Variants in SMARCA4 observed in about 807,000 individuals in gnomAD.
The protein encoded by SMARCA4 is SWI/SNF-related matrix-associated actin-dependent regulator of chromatin subfamily A member 4.
In SMARCA4, 31 loss-of-function variants were observed where a neutral mutation model predicts 193.9. That is an observed-to-expected ratio of 0.16 (90% CI 0.12 to 0.22). SMARCA4 has a LOEUF of 0.22. Among genes scored for constraint, SMARCA4 ranks in the 10% least tolerant of loss-of-function variants. SMARCA4 has a pLI of 1.00. For synonymous variants in SMARCA4, 942 were observed against 933.1 expected, an observed-to-expected ratio of 1.01 and a Z score of -0.17; for missense variants, 1,148 against 2,296.0, an observed-to-expected ratio of 0.50 and a Z score of 10.22.
chr19:11,061,775 C>G lies in SMARCA4; in HGVS notation c.4912-9C>G, dbSNP rs2147157530. 6.2e-7 allele frequency: 1 copy of G among 1,613,570 alleles called. No homozygotes were observed. The highest frequency in any genetic ancestry group is 8.5e-7 in the Non-Finnish European group (1 of 1,179,906). On this transcript the variant is annotated splice_polypyrimidine_tract_variant and intron_variant, in intron 34 of 34. Transcript: ENST00000344626. Reference sequence around the variant, plus strand: ...CAACGCACACTCTCTCCTCCTGTCCCCTCTCCAGGACCGCTCAGGAAGTGG... The same window carrying G: ...CAACGCACACTCTCTCCTCCTGTCCGCTCTCCAGGACCGCTCAGGAAGTGG...
Position 11,019,216 on chromosome 19 carries a change from G to GC in SMARCA4, c.2505+194dup. Reference sequence around the variant, plus strand: ...GACTGGGCAGGGACAGGGCAGATTAGCTCACTGGGGAGGAGACAGGAGTGA... The same window carrying GC: ...GACTGGGCAGGGACAGGGCAGATTAGCCTCACTGGGGAGGAGACAGGAGTGA... On this transcript the variant is annotated intron_variant, in intron 17 of 34. Coordinates refer to ENST00000344626, the MANE Select transcript of SMARCA4 (RefSeq NM_003072.5). This position sits in a 1 kb window ranked among gnomAD's most constrained non-coding sequence, Gnocchi z 6.1. 1 of 672,048 alleles carries GC rather than the reference G, an allele frequency of 1.5e-6. No individual in the cohort carries two copies. Among genetic ancestry groups the GC allele is most frequent in the Non-Finnish European group, 2.7e-6 (1 of 367,822 alleles). 41.6% of individuals were successfully genotyped at this position (672,048 alleles called of 1,614,324 possible). A position where few individuals can be genotyped will look rare whatever the true frequency, so the allele number is the denominator to read the frequency against.
intron 22 of SMARCA4, 131 bp from the exon 23 acceptor site, chr19:11,026,169 C>G: frequency 7.8e-6 from 6 of 765,092 alleles, no homozygotes; most frequent in South Asian, 1.4e-5. Flanking sequence ...GGTCTCAGAG[C>G]CGCCGTGGGC....
At chr19:11,032,693 C>T (rs946613096) in intron 25 of SMARCA4, 1 of 157,120 alleles carries the variant, frequency 6.4e-6, no homozygotes, top group African/African-American at 2.4e-5. Flanking sequence ...AAAAAAAGCC[C>T]ATCCACGGCA....
At chr19:11,060,516 T>G in intron 34 of SMARCA4, 1 of 471,944 alleles carries the variant, frequency 2.1e-6, no homozygotes, top group Non-Finnish European at 3.9e-6. Flanking sequence ...AGGGCTTGAT[T>G]AGGGTTGGGT....
intron 8 of SMARCA4, among the ~76,000 whole-genome samples, chr19:10,992,879 C>T (rs2086678993): frequency 6.6e-6 from 1 of 151,982 alleles, no homozygotes; most frequent in African/African-American, 2.4e-5. Flanking sequence ...ACGTGAGCCA[C>T]TGCTCCTGAC....
chr19:11,008,201 A>C, intron 14 of SMARCA4, 178 bp downstream of exon 14: 1 of 643,072 alleles, frequency 1.6e-6, no homozygotes, highest in Non-Finnish European at 2.8e-6. Context: ...ATAGGGATTT[A>C]ATAGAGCAAT....
At position 11,054,687 on chromosome 19, in the gene SMARCA4, G is replaced by T. The variant is rs1267904232; in HGVS notation, c.4425-3568G>T. ...CACCTGTAATGCCAGCTACTTGGAG[G>T]CTGAGGCAGGAGAATCGCTTGAACC... is the stretch of plus-strand genomic sequence containing the variant. On this transcript the variant is annotated intron_variant, in intron 30 of 34. Coordinates refer to ENST00000344626, the MANE Select transcript of SMARCA4 (RefSeq NM_003072.5). 2.0e-5 allele frequency among the ~76,000 whole-genome samples: 3 copies of T among 152,328 alleles called. No homozygotes were observed. In the East Asian group the frequency reaches 5.8e-4, roughly 29 times the overall value.
intron 9 of SMARCA4, 112 bp from the exon 10 acceptor site, chr19:10,996,101 C>G: frequency 9.6e-7 from 1 of 1,043,482 alleles, no homozygotes; most frequent in Non-Finnish European, 1.5e-6. Context: ...GGTGGCACGG[C>G]ACCCGCGTGA....
chr19:10,994,796 G>A (rs1262980346), intron 8 of SMARCA4, 32 bp from the exon 9 acceptor site: 1 of 1,602,122 alleles, frequency 6.2e-7, no homozygotes, highest in African/African-American at 1.3e-5. Flanking sequence ...TGCTGCTGAA[G>A]GGTCAGCCTT....
chr19:11,025,048 C>T (rs1335555068), intron 21 of SMARCA4, among the ~76,000 whole-genome samples: 1 of 151,434 alleles, frequency 6.6e-6, no homozygotes, highest in Non-Finnish European at 1.5e-5. Context: ...ATGGCTCACC[C>T]GGCTGAGGCC....
At chr19:11,055,788 T>C (rs2076513595) in intron 30 of SMARCA4, among the ~76,000 whole-genome samples, 1 of 151,210 alleles carries the variant, frequency 6.6e-6, no homozygotes, top group Non-Finnish European at 1.5e-5. Flanking sequence ...GAAATGGGGT[T>C]TTGCCATGTT....
chr19:11,010,545 TG>T lies in SMARCA4; in HGVS notation c.2274+18del. ...AAACAGTACCAGGTGAGGTAGGGGGTGGGGAGGCCACCGCCACGTAGCTGCC... is the reference window on the plus strand; with the variant it reads ...AAACAGTACCAGGTGAGGTAGGGGGTGGGAGGCCACCGCCACGTAGCTGCC... On this transcript the variant is annotated intron_variant, in intron 15 of 34. Transcript: ENST00000344626. The T allele has an allele frequency of 6.2e-7, 1 of 1,612,186 alleles. No individual in the cohort carries two copies.
intron 30 of SMARCA4, among the ~76,000 whole-genome samples, chr19:11,047,204 GC>G (rs1282231186): frequency 3.9e-5 from 6 of 152,110 alleles, no homozygotes; most frequent in Non-Finnish European, 7.4e-5. Context: ...TTATTACAGT[GC>G]AAGGCTACAG....
At chr19:11,018,633 C>G (rs2146352920) in intron 16 of SMARCA4, among the ~76,000 whole-genome samples, 1 of 152,370 alleles carries the variant, frequency 6.6e-6, no homozygotes, top group East Asian at 1.9e-4. Flanking sequence ...GCTGCATTTT[C>G]CCGGCAGCAG....
Position 10,991,242 on chromosome 19 carries a change from C to T in SMARCA4, c.1338C>T (p.Ser446=), listed in dbSNP as rs569040381. The T allele has an allele frequency of 1.4e-5, 22 of 1,613,362 alleles. No individual in the cohort carries two copies. Among genetic ancestry groups the T allele is most frequent in the African/African-American group, 1.3e-4 (10 of 75,070 alleles). ...CCTACAAGCGCAGCAAGCGCCAGTC[C>T]CTGCGCGAGGCCCGCATCACTGAGA... ...AKAYKRSKRQ[S]LREARITEKL... Residue 446 remains serine, a synonymous_variant, in exon 8 of 35, where the codon TCC becomes TCT. Transcript: ENST00000344626.
rs369749146 is a variant in SMARCA4 at position 10,984,405 on chromosome 19, G to A, written c.222+32G>A. ...ATCCCTGTGCCCGCCTCGCACCTGC[G>A]GCCTCTGCCCACTAGGGCTGCAGGC... On this transcript the variant is annotated intron_variant, in intron 2 of 34. Coordinates refer to ENST00000344626, the MANE Select transcript of SMARCA4 (RefSeq NM_003072.5). The surrounding 1 kb of genome is among the most constrained non-coding windows in gnomAD (Gnocchi z 4.3). 14 of 1,554,896 alleles carry A rather than the reference G, an allele frequency of 9.0e-6. No individual in the cohort carries two copies. The highest frequency in any genetic ancestry group is 4.9e-5 in the East Asian group (2 of 41,152).
chr19:10,967,710 G>A (rs1219161027), intron 1 of SMARCA4, among the ~76,000 whole-genome samples: 1 of 136,962 alleles, frequency 7.3e-6, no homozygotes, highest in Admixed American at 7.5e-5. Flanking sequence ...TTTGGAGACA[G>A]TTGTACTCTT....
intron 11 of SMARCA4, among the ~76,000 whole-genome samples, chr19:11,000,697 G>A (rs1336509493): frequency 6.6e-6 from 1 of 151,878 alleles, no homozygotes; most frequent in Non-Finnish European, 1.5e-5. Context: ...TGGCCAGTAT[G>A]GTGAAACCCA....
intron 13 of SMARCA4, among the ~76,000 whole-genome samples, chr19:11,003,839 G>A (rs2087900241): frequency 6.6e-6 from 1 of 150,740 alleles, no homozygotes; most frequent in Non-Finnish European, 1.5e-5. Flanking sequence ...AGCCTCCCAA[G>A]TAGCTGGGAC....
Sources: allele counts gnomAD v4.1 joint callset (sites outside exome capture counted in the v4.1 genomes callset), GRCh38; gene constraint gnomAD v4.1.1; non-coding constraint Gnocchi (gnomAD v3.1); transcripts MANE v1.5; gene names NCBI Gene and HGNC (gene_info 2026-07-23, HGNC 2026-07-21).